The following SLIT2 variants were observed in gnomAD, a reference collection of about 807,000 sequenced individuals.
SLIT2 encodes the protein slit guidance ligand 2.
Under a neutral mutation model 185.7 loss-of-function variants are expected in SLIT2, and 41 were observed. The observed-to-expected ratio is 0.22, with a 90% CI of 0.17 to 0.29. SLIT2 has a LOEUF of 0.29. Ranked by LOEUF, SLIT2 falls within the 10% of genes least tolerant of loss-of-function variation. SLIT2 has a pLI of 1.00. For synonymous variants in SLIT2, 693 were observed against 680.2 expected (o/e 1.02, Z -0.29); for missense variants, 1,571 against 1,909.0 (o/e 0.82, Z 3.30).
At chr4:20,388,575 G>A (rs10027333) in intron 4 of SLIT2, among the ~76,000 whole-genome samples, 134,975 of 151,640 alleles carry the variant, frequency 0.89, 60,138 homozygotes, top group East Asian at 0.97. Flanking sequence ...GGAGCTTGAG[G>A]CCAGCCTGGC....
At chr4:20,571,336 A>T (rs1330496588) in intron 29 of SLIT2, among the ~76,000 whole-genome samples, 1 of 152,186 alleles carries the variant, frequency 6.6e-6, no homozygotes, top group African/African-American at 2.4e-5. Flanking sequence ...GAACATGAAG[A>T]TATGACCATT....
intron 15 of SLIT2, among the ~76,000 whole-genome samples, chr4:20,526,052 C>T (rs1198599797): frequency 6.6e-5 from 10 of 152,060 alleles, no homozygotes; most frequent in South Asian, 2.1e-4. Context: ...TATCGATTGG[C>T]CACATTCACC....
chr4:20,613,233 C>T (rs1310304302), intron 34 of SLIT2, among the ~76,000 whole-genome samples: 2 of 152,062 alleles, frequency 1.3e-5, no homozygotes, highest in African/African-American at 4.8e-5. Context: ...TTCATAATGG[C>T]AAAGACATGG....
intron 4 of SLIT2, among the ~76,000 whole-genome samples, chr4:20,385,346 T>C (rs1230375444): frequency 6.6e-6 from 1 of 152,218 alleles, no homozygotes; most frequent in Non-Finnish European, 1.5e-5. Flanking sequence ...TATTTTCAGC[T>C]CTTTGCACAG....
chr4:20,346,145 A>G (rs1027728080), intron 4 of SLIT2, among the ~76,000 whole-genome samples: 3 of 152,088 alleles, frequency 2.0e-5, no homozygotes, highest in African/African-American at 4.8e-5. Flanking sequence ...AGCACGCACC[A>G]CTATGCCCTG....
chr4:20,571,655 A>G (rs938571327), intron 29 of SLIT2, among the ~76,000 whole-genome samples: 1 of 152,210 alleles, frequency 6.6e-6, no homozygotes, highest in African/African-American at 2.4e-5. Flanking sequence ...TGAGTTTGGA[A>G]TCTGATTAAT....
At chr4:20,499,045 A>T (rs557704694) in intron 9 of SLIT2, among the ~76,000 whole-genome samples, 8 of 152,336 alleles carry the variant, frequency 5.3e-5, no homozygotes, top group African/African-American at 1.9e-4. Context: ...CCAACAGTGT[A>T]TAAGCATTCC....
intron 5 of SLIT2, among the ~76,000 whole-genome samples, chr4:20,472,287 G>GATATATATCTAT (rs1560452839): frequency 6.7e-5 from 1 of 14,882 alleles, no homozygotes; most frequent in Non-Finnish European, 1.2e-4. Flanking sequence ...TATATATATA[G>GATATATATCTAT]ATATATAGAT....
At position 20,484,198 on chromosome 4, in the gene SLIT2, T is replaced by G. The variant is rs1716981454; in HGVS notation, c.540-2002T>G. Among the ~76,000 whole-genome samples the G allele has an allele frequency of 6.6e-6, 1 of 152,240 alleles. No individual in the cohort carries two copies. The highest frequency in any genetic ancestry group is 2.4e-5 in the African/African-American group (1 of 41,570). ...TTAAAACAATTTATTCCCAAAGTCA[T>G]ATTTCAGAATGCTATATACTATAAA... On this transcript the variant is annotated intron_variant, in intron 6 of 36. Coordinates refer to ENST00000504154, the MANE Select transcript of SLIT2 (RefSeq NM_004787.4). This position sits in a 1 kb window ranked among gnomAD's most constrained non-coding sequence, Gnocchi z 4.3.
In SLIT2 at chr4:20,463,491, A is replaced by ATGTGTG. The variant is rs1337282350; in HGVS notation, c.396-4256_396-4251dup. On this transcript the variant is annotated intron_variant, in intron 4 of 36. Transcript: ENST00000504154. ...TATATATATATATATATATATATAT[A>ATGTGTG]TGTGTGTGTGCGTATATCCATATAT... Among the ~76,000 whole-genome samples the ATGTGTG allele has an allele frequency of 1.4e-3, 130 of 96,190 alleles. 1 individual carries two copies. The highest frequency in any genetic ancestry group is 5.4e-3 in the Middle Eastern group (1 of 184). The allele number at this position is 96,190 out of a possible 152,430, so 63.1% of individuals were successfully genotyped here. A position where few individuals can be genotyped will look rare whatever the true frequency, so the allele number is the denominator to read the frequency against.
At chr4:20,303,269 G>A (rs576225912) in intron 4 of SLIT2, among the ~76,000 whole-genome samples, 1 of 152,258 alleles carries the variant, frequency 6.6e-6, no homozygotes. Flanking sequence ...TACAAGCCAG[G>A]CACTTTGCAG....
chr4:20,298,889 A>G (rs528220928), intron 4 of SLIT2, among the ~76,000 whole-genome samples: 3 of 152,320 alleles, frequency 2.0e-5, no homozygotes, highest in Admixed American at 6.5e-5. Flanking sequence ...AGCTGAGGCA[A>G]TATCAGAGAG....
At position 20,620,289 on chromosome 4, in the gene SLIT2, A is replaced by G. The variant is rs1053070336; in HGVS notation, c.*1280A>G. 11 of 370,224 alleles carry G rather than the reference A, an allele frequency of 3.0e-5. No individual in the cohort carries two copies. The highest frequency in any genetic ancestry group is 7.9e-5 in the East Asian group (1 of 12,694). 22.9% of individuals were successfully genotyped at this position (370,224 alleles called of 1,614,324 possible). On this transcript the variant is annotated 3_prime_UTR_variant, in exon 37 of 37. Transcript: ENST00000504154. ...CTGTGACTTTTCTTTCCCTCAAACAATAAAACTCCTTTATTATCTTAATGC... is the reference window on the plus strand; with the variant it reads ...CTGTGACTTTTCTTTCCCTCAAACAGTAAAACTCCTTTATTATCTTAATGC...
chr4:20,339,167 C>T (rs1290548216), intron 4 of SLIT2, among the ~76,000 whole-genome samples: 1 of 150,336 alleles, frequency 6.7e-6, no homozygotes, highest in Non-Finnish European at 1.5e-5. Context: ...ACTGTACATT[C>T]TGTATGGATT....
At chr4:20,597,525 T>G (rs143984478) in intron 32 of SLIT2, among the ~76,000 whole-genome samples, 117 of 152,340 alleles carry the variant, frequency 7.7e-4, no homozygotes, top group African/African-American at 2.1e-3. Context: ...ATAATAAATA[T>G]AGTGTACATG....
At chr4:20,332,723 C>T (rs1577448591) in intron 4 of SLIT2, among the ~76,000 whole-genome samples, 2 of 151,924 alleles carry the variant, frequency 1.3e-5, no homozygotes, top group Non-Finnish European at 2.9e-5. Flanking sequence ...TGATATTTAG[C>T]TATTTTATTT....
At chr4:20,314,456 G>A (rs970083605) in intron 4 of SLIT2, among the ~76,000 whole-genome samples, 5 of 152,192 alleles carry the variant, frequency 3.3e-5, no homozygotes, top group Non-Finnish European at 5.9e-5. Flanking sequence ...TGATTGCCAG[G>A]CTCTGTTCTA....
chr4:20,312,425 T>C (rs1718192137), intron 4 of SLIT2, among the ~76,000 whole-genome samples: 1 of 152,158 alleles, frequency 6.6e-6, no homozygotes, highest in African/African-American at 2.4e-5. Flanking sequence ...GAATAATTCA[T>C]ATTGATAAAG....
At chr4:20,262,259 C>T (rs1290785664) in intron 3 of SLIT2, among the ~76,000 whole-genome samples, 1 of 151,722 alleles carries the variant, frequency 6.6e-6, no homozygotes, top group East Asian at 1.9e-4. Flanking sequence ...TCCCTGCATA[C>T]ACATATCACT....
Sources: allele counts gnomAD v4.1 joint callset (sites outside exome capture counted in the v4.1 genomes callset), GRCh38; gene constraint gnomAD v4.1.1; non-coding constraint Gnocchi (gnomAD v3.1); transcripts MANE v1.5; gene names NCBI Gene and HGNC (gene_info 2026-07-23, HGNC 2026-07-21).